The following FAM163A variants were observed in gnomAD, a reference collection of about 807,000 sequenced individuals.
FAM163A encodes the protein family with sequence similarity 163 member A, also known as protein FAM163A.
A neutral mutation model predicts 12.0 loss-of-function variants in FAM163A; 7 were observed. The observed-to-expected ratio is 0.58, with a 90% confidence interval of 0.33 to 1.10. The LOEUF is 1.10. Among genes scored for constraint, FAM163A ranks in the 50% least tolerant of loss-of-function variants. FAM163A has a pLI of 0.03. For missense variants in FAM163A, 202 were observed against 218.6 expected (o/e 0.92, Z 0.48); for synonymous variants, 101 against 91.0 (o/e 1.11, Z -0.62).
At chr1:179,809,264 T>C (rs1222520791) in intron 2 of FAM163A, among the ~76,000 whole-genome samples, 3 of 151,998 alleles carry the variant, frequency 2.0e-5, no homozygotes. Context: ...CAAAACCATG[T>C]TTGTGGGGTC....
At chr1:179,746,219 AACGCCC>A (rs1371487030) in intron 1 of FAM163A, among the ~76,000 whole-genome samples, 35 of 152,304 alleles carry the variant, frequency 2.3e-4, no homozygotes, top group Admixed American at 6.5e-4. Flanking sequence ...CAAAATTATA[AACGCCC>A]ATGCCATCTG....
rs780622657 is a variant in FAM163A at position 179,814,012 on chromosome 1, G to T, written c.327G>T (p.Thr109=). 29 of 1,612,958 alleles carry T rather than the reference G, an allele frequency of 1.8e-5. No individual in the cohort carries two copies. The highest frequency in any genetic ancestry group is 2.3e-5 in the Non-Finnish European group (27 of 1,179,292). The change falls in exon 5 of 5, where the codon ACG becomes ACT. Residue 109 remains threonine, a synonymous_variant. Transcript: ENST00000341785. ...SPYSSPFYIR[T]ADMVPNGGGG... ...ACAGCTCCCCCTTTTACATACGGAC[G>T]GCTGACATGGTGCCCAATGGGGGTG...
chr1:179,788,454 G>C (rs1690954924), intron 1 of FAM163A, among the ~76,000 whole-genome samples: 1 of 152,196 alleles, frequency 6.6e-6, no homozygotes, highest in South Asian at 2.1e-4. Context: ...TCTTCCACTG[G>C]CCCTGCTGCT....
chr1:179,797,256 G>A (rs1425998392), intron 1 of FAM163A, among the ~76,000 whole-genome samples: 1 of 152,174 alleles, frequency 6.6e-6, no homozygotes, highest in Non-Finnish European at 1.5e-5. Flanking sequence ...AGACCAGCCT[G>A]GCCAACATGG....
At chr1:179,729,289 C>A in the FAM163A span, among the ~76,000 whole-genome samples, 1 of 152,106 alleles carries the variant, frequency 6.6e-6, no homozygotes, top group Admixed American at 6.5e-5. Flanking sequence ...AATTGTGAGC[C>A]CCTTACACTT....
chr1:179,794,222 A>C (rs1691943618), intron 1 of FAM163A, among the ~76,000 whole-genome samples: 1 of 152,230 alleles, frequency 6.6e-6, no homozygotes, highest in South Asian at 2.1e-4. Flanking sequence ...AAGGAGTTAA[A>C]GGGGAGAAGA....
chr1:179,733,662 GTC>G, the FAM163A span, among the ~76,000 whole-genome samples: 1 of 152,032 alleles, frequency 6.6e-6, no homozygotes, highest in Non-Finnish European at 1.5e-5. Context: ...TCAAATTTCT[GTC>G]TCTGTGCTCC....
In FAM163A at chr1:179,757,768, C is replaced by T. The variant is rs149537373; in HGVS notation, c.-136+14345C>T. ...TGGAGGTTGCAGTGAGCCGAGATTG[C>T]GCCACTGCACTCCAGCCTGAGCGAC... On this transcript the variant is annotated intron_variant, in intron 1 of 4. Coordinates refer to ENST00000341785, the MANE Select transcript of FAM163A (RefSeq NM_173509.3). Among the ~76,000 whole-genome samples the T allele has an allele frequency of 8.3e-3, 1,268 of 152,242 alleles. 5 individuals are homozygous for T. Among genetic ancestry groups the T allele is most frequent in the Admixed American group, 0.015 (229 of 15,300 alleles).
chr1:179,734,858 G>A, the FAM163A span, among the ~76,000 whole-genome samples: 1 of 152,050 alleles, frequency 6.6e-6, no homozygotes, highest in Non-Finnish European at 1.5e-5. Flanking sequence ...AAAATACATT[G>A]GAAGAAAGGA....
At chr1:179,744,407 C>T (rs1323067066) in intron 1 of FAM163A, among the ~76,000 whole-genome samples, 1 of 152,038 alleles carries the variant, frequency 6.6e-6, no homozygotes, top group African/African-American at 2.4e-5. Flanking sequence ...TGGGACCCCG[C>T]CACCCGGCCT....
At chr1:179,812,929 C>A in intron 3 of FAM163A, 147 bp from the exon 4 acceptor site, 1 of 685,118 alleles carries the variant, frequency 1.5e-6, no homozygotes, top group Non-Finnish European at 2.4e-6. Flanking sequence ...CCTCAGCCTT[C>A]AGGAAACCCC....
At chr1:179,774,388 G>C (rs1450392540) in intron 1 of FAM163A, among the ~76,000 whole-genome samples, 1 of 152,258 alleles carries the variant, frequency 6.6e-6, no homozygotes, top group Non-Finnish European at 1.5e-5. Flanking sequence ...CCAGGGAAGT[G>C]GTGGGCTCCA....
intron 1 of FAM163A, among the ~76,000 whole-genome samples, chr1:179,788,400 CA>C (rs1474665631): frequency 2.0e-5 from 3 of 152,226 alleles, no homozygotes; most frequent in Non-Finnish European, 4.4e-5. Context: ...GAAGATTCCT[CA>C]CCCTGAAGCT....
Position 179,813,855 on chromosome 1 carries a change from C to T in FAM163A, c.170C>T (p.Pro57Leu). 6.2e-7 allele frequency: 1 copy of T among 1,614,010 alleles called. No homozygotes were observed. Among genetic ancestry groups the T allele is most frequent in the South Asian group, 1.1e-5 (1 of 91,086 alleles). Residue 57 changes from proline (P) to leucine (L), a missense_variant, in exon 5 of 5, where the codon CCC (proline) becomes CTC (leucine). Physicochemically the swap from Pro to Leu is moderately conservative, Grantham distance 98 (BLOSUM62 -3). Coordinates refer to ENST00000341785, the MANE Select transcript of FAM163A (RefSeq NM_173509.3). ...EEREHDLPTH[P>L]RGPTCNACSS... ...CGGGAGCACGACCTTCCCACGCATC[C>T]CAGAGGCCCCACCTGCAATGCCTGC...
chr1:179,810,054 A>C (rs141794978), intron 2 of FAM163A, among the ~76,000 whole-genome samples: 2 of 152,300 alleles, frequency 1.3e-5, no homozygotes, highest in African/African-American at 4.8e-5. Flanking sequence ...GTGACAAGCT[A>C]AACAGTGAGC....
At chr1:179,794,944 G>A (rs955856450) in intron 1 of FAM163A, among the ~76,000 whole-genome samples, 3 of 152,078 alleles carry the variant, frequency 2.0e-5, no homozygotes, top group African/African-American at 2.4e-5. Context: ...ATCTAATCTC[G>A]GCCTCCCAAC....
At chr1:179,762,472 A>G (rs1686953335) in intron 1 of FAM163A, among the ~76,000 whole-genome samples, 2 of 152,202 alleles carry the variant, frequency 1.3e-5, no homozygotes, top group South Asian at 2.1e-4. Flanking sequence ...GATTGCTTAC[A>G]AGGTCCTTCC....
intron 1 of FAM163A, among the ~76,000 whole-genome samples, chr1:179,762,343 G>T (rs761610941): frequency 1.3e-5 from 2 of 152,202 alleles, no homozygotes; most frequent in African/African-American, 2.4e-5. Context: ...GGGCTGCAGA[G>T]AATTGGGATC....
rs556124777 is a variant in FAM163A, at chr1:179,798,221, C to CAAAAA, written c.-135-9571_-135-9567dup. The stretch of plus-strand genomic sequence containing the variant: ...CTCCAGCCTGGGCCAGACTCCATCT[C>CAAAAA]AAAAAAAAAAGAATATAAGGCATGT... On this transcript the variant is annotated intron_variant, in intron 1 of 4. Coordinates refer to ENST00000341785, the MANE Select transcript of FAM163A (RefSeq NM_173509.3). Among the ~76,000 whole-genome samples, 1,367 of 147,132 alleles carry CAAAAA rather than the reference C, an allele frequency of 9.3e-3. 21 individuals carry two copies. Among genetic ancestry groups the CAAAAA allele is most frequent in the African/African-American group, 0.032 (1,291 of 40,136 alleles).
Sources: gnomAD v4.1 joint callset for allele counts (sites outside exome capture counted in the v4.1 genomes callset) on GRCh38, gnomAD v4.1.1 for gene constraint, MANE v1.5 for transcripts, NCBI Gene and HGNC (gene_info 2026-07-23, HGNC 2026-07-21) for gene names.